Variants in APOLD1 observed in about 807,000 individuals in gnomAD.
The protein encoded by APOLD1 is apolipoprotein L domain-containing protein 1.
APOLD1 carries 22 observed loss-of-function variants against 15.3 expected under a neutral mutation model. That is an observed-to-expected ratio of 1.44 (90% CI 1.03 to 2.05). The LOEUF (loss-of-function observed/expected upper bound fraction) is 2.05. APOLD1 is among the 30% of genes most tolerant of loss of function. The pLI, the probability that APOLD1 is intolerant of heterozygous loss-of-function variation, is 0.00. For synonymous variants in APOLD1, 190 were observed against 167.4 expected (o/e 1.13, Z -1.04); for missense variants, 394 against 353.5 (o/e 1.11, Z -0.92).
intron 1 of APOLD1, among the ~76,000 whole-genome samples, chr12:12,750,619 T>C (rs938967350): frequency 2.6e-5 from 4 of 152,170 alleles, no homozygotes; most frequent in African/African-American, 9.7e-5. Flanking sequence ...TATTTTCTTA[T>C]TGAGTTTTTT....
intron 1 of APOLD1, among the ~76,000 whole-genome samples, chr12:12,757,294 T>C (rs1374274621): frequency 2.0e-5 from 3 of 152,090 alleles, no homozygotes; most frequent in Non-Finnish European, 1.5e-5. Context: ...TGAGCCCAAG[T>C]TCACCACAGA....
chr12:12,762,280 C>T (rs1181755751), intron 1 of APOLD1, among the ~76,000 whole-genome samples: 1 of 152,002 alleles, frequency 6.6e-6, no homozygotes, highest in African/African-American at 2.4e-5. Flanking sequence ...ATGGAGACAG[C>T]CACTGCAAAA....
At chr12:12,751,520 T>G (rs544311937) in intron 1 of APOLD1, among the ~76,000 whole-genome samples, 4 of 152,238 alleles carry the variant, frequency 2.6e-5, no homozygotes, top group African/African-American at 9.6e-5. Context: ...CCCACTAATT[T>G]TTAAATTTTC....
intron 1 of APOLD1, among the ~76,000 whole-genome samples, chr12:12,758,313 G>A (rs573003499): frequency 1.3e-5 from 2 of 151,872 alleles, no homozygotes; most frequent in Non-Finnish European, 2.9e-5. Flanking sequence ...TTGGGAGCCC[G>A]AGGCAGGTGG....
chr12:12,740,536 C>T (rs1440533685), intron 1 of APOLD1, among the ~76,000 whole-genome samples: 2 of 152,196 alleles, frequency 1.3e-5, no homozygotes, highest in Non-Finnish European at 2.9e-5. Flanking sequence ...ATCTGAACCC[C>T]AGTAGTTGAC....
At chr12:12,761,394 T>C (rs1478041014) in intron 1 of APOLD1, among the ~76,000 whole-genome samples, 1 of 152,252 alleles carries the variant, frequency 6.6e-6, no homozygotes, top group African/African-American at 2.4e-5. Context: ...TTATTTATCA[T>C]GGCTATAGCT....
chr12:12,786,533 GTTATC>G (rs1007219194), intron 1 of APOLD1, among the ~76,000 whole-genome samples: 5 of 152,136 alleles, frequency 3.3e-5, no homozygotes, highest in African/African-American at 1.2e-4. Context: ...CTTACAAAGT[GTTATC>G]TTAAGTAGAG....
intron 1 of APOLD1, among the ~76,000 whole-genome samples, chr12:12,742,602 T>C (rs1946736660): frequency 6.6e-6 from 1 of 152,110 alleles, no homozygotes; most frequent in South Asian, 2.1e-4. Flanking sequence ...CTATCTCTAC[T>C]AAAAATTCAA....
intron 1 of APOLD1, among the ~76,000 whole-genome samples, chr12:12,765,811 A>G (rs1181245460): frequency 1.3e-5 from 2 of 152,354 alleles, no homozygotes; most frequent in Non-Finnish European, 2.9e-5. Context: ...TTGAGGCTGC[A>G]GTGAGCCACG....
Position 12,730,065 on chromosome 12 carries a change from TGTGTGTGTGTGTGAGAGA to T in APOLD1, c.96+3971_96+3988del, listed in dbSNP as rs780001186. 5.9e-3 allele frequency among the ~76,000 whole-genome samples: 518 copies of T among 87,196 alleles called. 7 individuals carry two copies. Among genetic ancestry groups the T allele is most frequent in the East Asian group, 0.049 (169 of 3,458 alleles). 57.2% of individuals were successfully genotyped at this position (87,196 alleles called of 152,430 possible). ...GTGTGTGTGTGTGTGTGTGTGTGTGTGTGTGTGTGTGTGAGAGAGAGAGAGAGAGAGACAGACAGGTTC... is the reference window on the plus strand; with the variant it reads ...GTGTGTGTGTGTGTGTGTGTGTGTGTGAGAGAGAGAGAGACAGACAGGTTC... On this transcript the variant is annotated intron_variant, in intron 1 of 1. Coordinates refer to the APOLD1 transcript ENST00000326765.
intron 1 of APOLD1, among the ~76,000 whole-genome samples, chr12:12,744,825 A>G (rs1946753526): frequency 6.6e-6 from 1 of 152,012 alleles, no homozygotes; most frequent in South Asian, 2.1e-4. Flanking sequence ...ATTTGGCCTC[A>G]TTCTGAACCT....
At chr12:12,735,305 G>T (rs1347638399) in intron 1 of APOLD1, among the ~76,000 whole-genome samples, 1 of 152,092 alleles carries the variant, frequency 6.6e-6, no homozygotes, top group African/African-American at 2.4e-5. Flanking sequence ...TCCAGTGGCT[G>T]CCTGTAGGAT....
At chr12:12,737,139 G>A (rs1322554645) in intron 1 of APOLD1, among the ~76,000 whole-genome samples, 2 of 152,116 alleles carry the variant, frequency 1.3e-5, no homozygotes, top group African/African-American at 2.4e-5. Context: ...TTCAGTATTC[G>A]AAGATGTTTT....
intron 1 of APOLD1, among the ~76,000 whole-genome samples, chr12:12,743,619 A>G (rs1946743598): frequency 6.6e-6 from 1 of 152,154 alleles, no homozygotes; most frequent in Non-Finnish European, 1.5e-5. Flanking sequence ...AGAGATACAC[A>G]TCCTAATCCC....
intron 1 of APOLD1, among the ~76,000 whole-genome samples, chr12:12,735,194 C>A (rs1460304313): frequency 1.3e-5 from 2 of 152,014 alleles, no homozygotes; most frequent in African/African-American, 2.4e-5. Flanking sequence ...GAGTTCCAGT[C>A]CACCTGAGCA....
At chr12:12,755,388 C>T (rs1946850158) in intron 1 of APOLD1, among the ~76,000 whole-genome samples, 1 of 151,842 alleles carries the variant, frequency 6.6e-6, no homozygotes, top group South Asian at 2.1e-4. Context: ...TATACCCAAA[C>T]CGTAAAGGAA....
intron 1 of APOLD1, among the ~76,000 whole-genome samples, chr12:12,744,102 G>C (rs1412265671): frequency 1.3e-5 from 2 of 152,230 alleles, no homozygotes; most frequent in African/African-American, 4.8e-5. Context: ...GATCACTTGA[G>C]GTCAGGAGTT....
At position 12,759,114 on chromosome 12, in the gene APOLD1, G is replaced by A. The variant is rs12305349; in HGVS notation, c.97-27795G>A. Among the ~76,000 whole-genome samples, 321 of 152,206 alleles carry A rather than the reference G, an allele frequency of 2.1e-3. 1 individual carries two copies. The highest frequency in any genetic ancestry group is 7.3e-3 in the African/African-American group (305 of 41,524). Reference sequence around the variant, plus strand: ...GCAGGATGGCACGAGATTTCATCACGCTACTCAAATGGCATGCAATTTAAA... The same window carrying A: ...GCAGGATGGCACGAGATTTCATCACACTACTCAAATGGCATGCAATTTAAA... On this transcript the variant is annotated intron_variant, in intron 1 of 1. Coordinates refer to the APOLD1 transcript ENST00000326765.
rs1947155304 is a variant in APOLD1 at position 12,788,731 on chromosome 12, T to C, written c.*1079T>C. 1 of 152,188 alleles carries C rather than the reference T, an allele frequency of 6.6e-6. No homozygotes were observed. The highest frequency in any genetic ancestry group is 2.1e-4 in the South Asian group (1 of 4,822). 9.4% of individuals were successfully genotyped at this position (152,188 alleles called of 1,614,324 possible). A position where few individuals can be genotyped will look rare whatever the true frequency, so the allele number is the denominator to read the frequency against. On this transcript the variant is annotated 3_prime_UTR_variant, in exon 2 of 2. Transcript: ENST00000356591. ...GAGTTTAAACAATTTCTCTGGGTGG[T>C]TCTGCGGCACACTAAGGTTTGAAAA...
Sources: gnomAD v4.1 joint callset for allele counts (sites outside exome capture counted in the v4.1 genomes callset) on GRCh38, gnomAD v4.1.1 for gene constraint, MANE v1.5 for transcripts, NCBI Gene and HGNC (gene_info 2026-07-23, HGNC 2026-07-21) for gene names.